Variants in CTNNA2 observed in about 807,000 individuals in gnomAD.
CTNNA2 encodes the protein catenin alpha 2.
A neutral mutation model predicts 101.0 loss-of-function variants in CTNNA2; 42 were observed. That is an observed-to-expected ratio of 0.42 (90% CI 0.32 to 0.54). CTNNA2 has a LOEUF of 0.54. Among genes scored for constraint, CTNNA2 ranks in the 20% least tolerant of loss-of-function variants. The pLI is 0.14. For missense variants in CTNNA2, 871 were observed against 1,223.1 expected (o/e 0.71, Z 4.29); for synonymous variants, 450 against 456.4 (o/e 0.99, Z 0.18).
chr2:79,519,254 T>G (rs1005470751), intron 1 of CTNNA2, among the ~76,000 whole-genome samples: 3 of 151,264 alleles, frequency 2.0e-5, no homozygotes, highest in Non-Finnish European at 4.4e-5. Flanking sequence ...AAAAGAGTCT[T>G]GGGGAAAAAT....
chr2:79,982,243 T>TAAC lies in CTNNA2; in HGVS notation c.1056+72447_1056+72448insACA, dbSNP rs1196194818. On this transcript the variant is annotated intron_variant, in intron 7 of 18. Coordinates refer to ENST00000402739, the MANE Select transcript of CTNNA2 (RefSeq NM_001282597.3). Reference sequence around the variant, plus strand: ...ATATATATATATATATATATATATGTATGTATATGTACACACACACATAAC... The same window carrying TAAC: ...ATATATATATATATATATATATATGTAACATGTATATGTACACACACACATAAC... 1.6e-4 allele frequency among the ~76,000 whole-genome samples: 13 copies of TAAC among 81,096 alleles called. 1 individual carries two copies. The highest frequency in any genetic ancestry group is 7.5e-4 in the African/African-American group (13 of 17,346). 53.2% of individuals were successfully genotyped at this position (81,096 alleles called of 152,430 possible).
At chr2:79,690,680 G>C (rs1684231552) in intron 2 of CTNNA2, among the ~76,000 whole-genome samples, 1 of 151,976 alleles carries the variant, frequency 6.6e-6, no homozygotes, top group South Asian at 2.1e-4. Flanking sequence ...AAAGCCCAGA[G>C]AGAGTAAAGG....
chr2:79,574,785 G>A, intron 1 of CTNNA2, among the ~76,000 whole-genome samples: 1 of 152,124 alleles, frequency 6.6e-6, no homozygotes, highest in Non-Finnish European at 1.5e-5. Context: ...TATTTGAGAA[G>A]TTGCTACACT....
rs767374988 is a variant in CTNNA2 at position 80,313,525 on chromosome 2, G to A, written c.1057-79686G>A. 2.5e-6 allele frequency: 4 copies of A among 1,601,478 alleles called. No homozygotes were observed. The South Asian group carries it at 4.5e-5, about 18-fold the overall frequency. On this transcript the variant is annotated intron_variant, in intron 7 of 18. Transcript: ENST00000402739. ...TGAAGAGATTTTTCTAGCTAATTGA[G>A]CAAGACCAGGTAGAGGAAGGAAGAC...
intron 7 of CTNNA2, among the ~76,000 whole-genome samples, chr2:80,096,119 CT>C (rs1700133909): frequency 6.6e-6 from 1 of 151,320 alleles, no homozygotes; most frequent in African/African-American, 2.4e-5. Context: ...TAGATCTTTC[CT>C]GCTTTCTCTT....
At chr2:79,936,545 C>T (rs1210974263) in intron 7 of CTNNA2, among the ~76,000 whole-genome samples, 1 of 148,296 alleles carries the variant, frequency 6.7e-6, no homozygotes, top group East Asian at 2.0e-4. Context: ...TCCAAGCGTC[C>T]TTTTTTTTTT....
intron 7 of CTNNA2, among the ~76,000 whole-genome samples, chr2:80,277,277 C>T (rs1053051036): frequency 3.3e-5 from 5 of 152,094 alleles, no homozygotes; most frequent in African/African-American, 9.7e-5. Flanking sequence ...CAGGAAGCTC[C>T]ACAGATCCTT....
chr2:80,296,247 T>C (rs1262604715), intron 7 of CTNNA2, among the ~76,000 whole-genome samples: 1 of 152,030 alleles, frequency 6.6e-6, no homozygotes, highest in Non-Finnish European at 1.5e-5. Flanking sequence ...TACATTACAG[T>C]TTTGGTTGGG....
intron 3 of CTNNA2, among the ~76,000 whole-genome samples, chr2:79,316,575 A>T (rs916813208): frequency 6.6e-6 from 1 of 151,952 alleles, no homozygotes; most frequent in East Asian, 1.9e-4. Context: ...ACTCATTTAA[A>T]TCTTCTTTAG....
At position 79,222,146 on chromosome 2, in the gene CTNNA2, C is replaced by T. The variant is rs78411726; in HGVS notation, c.-406+24070C>T. Among the ~76,000 whole-genome samples, 563 of 152,292 alleles carry T rather than the reference C, an allele frequency of 3.7e-3. 2 individuals are homozygous for T. The highest frequency in any genetic ancestry group is 0.013 in the African/African-American group (550 of 41,562). On this transcript the variant is annotated intron_variant, in intron 2 of 21. Coordinates refer to the CTNNA2 transcript ENST00000466387. The stretch of plus-strand genomic sequence containing the variant: ...AGCATGCTGCTTCTCTGATTAGACC[C>T]AGCACCAGGACCAGGATTATAACAC...
chr2:79,585,413 TG>T (rs1676418818), intron 1 of CTNNA2, among the ~76,000 whole-genome samples: 1 of 152,024 alleles, frequency 6.6e-6, no homozygotes, highest in South Asian at 2.1e-4. Flanking sequence ...CAATAGTGGA[TG>T]TATTTTTCCT....
intron 7 of CTNNA2, among the ~76,000 whole-genome samples, chr2:80,199,091 G>A (rs1707027874): frequency 7.0e-6 from 1 of 142,288 alleles, no homozygotes; most frequent in African/African-American, 2.6e-5. Flanking sequence ...TGAGACAGGA[G>A]AATCACTGGG....
intron 2 of CTNNA2, among the ~76,000 whole-genome samples, chr2:79,270,061 C>T (rs1005022847): frequency 6.6e-6 from 1 of 152,122 alleles, no homozygotes; most frequent in African/African-American, 2.4e-5. Context: ...TAGAGCATCT[C>T]TCTTCTTCCT....
At chr2:79,808,303 G>A (rs1676735310) in intron 3 of CTNNA2, among the ~76,000 whole-genome samples, 1 of 152,162 alleles carries the variant, frequency 6.6e-6, no homozygotes, top group East Asian at 1.9e-4. Flanking sequence ...GGTAGTGAGG[G>A]CCTTACACTG....
At chr2:79,213,990 A>G (rs1674212676) in intron 2 of CTNNA2, among the ~76,000 whole-genome samples, 1 of 152,178 alleles carries the variant, frequency 6.6e-6, no homozygotes, top group African/African-American at 2.4e-5. Context: ...CAGAAACACT[A>G]CAGGGTGGGG....
At chr2:79,481,443 A>C (rs1385827318) in intron 4 of CTNNA2, among the ~76,000 whole-genome samples, 2 of 152,142 alleles carry the variant, frequency 1.3e-5, no homozygotes, top group Admixed American at 6.5e-5. Flanking sequence ...CAGAGAAGAG[A>C]GTATGGGAAG....
chr2:79,362,932 A>G (rs907167374), intron 3 of CTNNA2, among the ~76,000 whole-genome samples: 1 of 152,182 alleles, frequency 6.6e-6, no homozygotes, highest in African/African-American at 2.4e-5. Context: ...ATCCTAACAG[A>G]TAGGAGACAA....
At chr2:79,221,485 G>C (rs890085384) in intron 2 of CTNNA2, among the ~76,000 whole-genome samples, 2 of 152,100 alleles carry the variant, frequency 1.3e-5, no homozygotes, top group African/African-American at 4.8e-5. Flanking sequence ...TTCACTCTAA[G>C]GGTATACTTG....
At chr2:79,327,835 A>AT (rs1676781430) in intron 3 of CTNNA2, among the ~76,000 whole-genome samples, 1 of 152,194 alleles carries the variant, frequency 6.6e-6, no homozygotes, top group African/African-American at 2.4e-5. Context: ...CCTCCCTGCC[A>AT]TTAACATTCA....
Sources: allele counts gnomAD v4.1 joint callset (sites outside exome capture counted in the v4.1 genomes callset), GRCh38; gene constraint gnomAD v4.1.1; transcripts MANE v1.5; gene names NCBI Gene and HGNC (gene_info 2026-07-23, HGNC 2026-07-21).